RPS24: variants seen among roughly 807,000 people sequenced by gnomAD.
RPS24 encodes the protein ribosomal protein S24, also known as small ribosomal subunit protein eS24.
For missense variants in RPS24, 100 were observed against 162.5 expected (o/e 0.62, Z 2.09); for synonymous variants, 72 against 55.6 (o/e 1.30, Z -1.31).
chr10:78,044,882 A>C (rs1201970226), downstream of RPS24, among the ~76,000 whole-genome samples: 1 of 151,772 alleles, frequency 6.6e-6, no homozygotes, highest in Non-Finnish European at 1.5e-5. Flanking sequence ...TCACATGCCG[A>C]GTTCCTCCAC....
At position 78,035,691 on chromosome 10, in the gene RPS24, A is replaced by G. The variant is rs1165637417; in HGVS notation, c.250A>G (p.Lys84Glu). The G allele has an allele frequency of 1.2e-6, 2 of 1,601,848 alleles. No homozygotes were observed. Among genetic ancestry groups the G allele is most frequent in the Admixed American group, 3.3e-5 (2 of 59,996 alleles). The change falls in exon 3 of 6, where the codon AAA becomes GAA. Residue 84 changes from lysine (K) to glutamate (E), a missense_variant. Coordinates refer to ENST00000372360, the MANE Select transcript of RPS24 (RefSeq NM_033022.4). ...MIYDSLDYAK[K>E]NEPKHRLARH... The stretch of plus-strand genomic sequence containing the variant: ...TTATGATTCCCTGGATTATGCAAAG[A>G]AAAATGAACCCAAACATAGACTTGC...
exon 5 of RPS24, chr10:78,054,546 C>A (rs1185796902): frequency 1.3e-6 from 2 of 1,542,398 alleles, no homozygotes; most frequent in Non-Finnish European, 1.8e-6. Context: ...GGAATTGGGG[C>A]TTGGAGTGCA....
chr10:78,035,864 T>A, intron 3 of RPS24, 144 bp downstream of exon 3: 1 of 765,866 alleles, frequency 1.3e-6, no homozygotes, highest in Non-Finnish European at 2.3e-6. Context: ...TTTCATAAAA[T>A]GCACAGGTGG....
At chr10:78,042,849 A>G (rs539346630), downstream of RPS24, among the ~76,000 whole-genome samples, 1 of 152,324 alleles carries the variant, frequency 6.6e-6, no homozygotes, top group African/African-American at 2.4e-5. Flanking sequence ...GTAATCAGGC[A>G]GCTTTCAACT....
intron 4 of RPS24, chr10:78,038,025 C>T: frequency 1.6e-6 from 2 of 1,225,002 alleles, no homozygotes; most frequent in Non-Finnish European, 2.1e-6. Context: ...ATCACCTTCA[C>T]TGAGTTTGCT....
chr10:78,038,733 G>T (rs77011538), intron 4 of RPS24: 9,258 of 152,048 alleles, frequency 0.061, 424 homozygotes, highest in Non-Finnish European at 0.085. Flanking sequence ...TGTACCTCCC[G>T]GGCTTGGGTG....
chr10:78,055,811 G>A (rs911573546), exon 5 of RPS24: 2 of 152,242 alleles, frequency 1.3e-5, no homozygotes, highest in African/African-American at 4.8e-5. Context: ...GGAGTGCAGT[G>A]GTACCATCTT....
chr10:78,050,489 A>C lies in RPS24; in HGVS notation c.391-4042A>C, dbSNP rs555624867. Reference sequence around the variant, plus strand: ...CCAGACCTCAGCAAGTGGCCGCTTTAAAAAGAGAATAAGAGCTTTATTGAG... The same window carrying C: ...CCAGACCTCAGCAAGTGGCCGCTTTCAAAAGAGAATAAGAGCTTTATTGAG... On this transcript the variant is annotated intron_variant, in intron 4 of 4. Transcript: ENST00000440692. Among the ~76,000 whole-genome samples the C allele has an allele frequency of 2.0e-5, 3 of 152,326 alleles. No homozygotes were observed. In the South Asian group the frequency reaches 6.2e-4, roughly 32 times the overall value.
chr10:78,041,835 T>A (rs149684244), downstream of RPS24, among the ~76,000 whole-genome samples: 1 of 152,116 alleles, frequency 6.6e-6, no homozygotes, highest in Non-Finnish European at 1.5e-5. Flanking sequence ...TAGTTTCTGA[T>A]GTGAAGAAAA....
At chr10:78,043,003 A>T (rs1848002782), downstream of RPS24, among the ~76,000 whole-genome samples, 1 of 106,744 alleles carries the variant, frequency 9.4e-6, no homozygotes, top group Admixed American at 1.0e-4. Context: ...GCGCGCACAC[A>T]CATACACACA....
chr10:78,043,010 CACAT>C (rs1180309431), downstream of RPS24, among the ~76,000 whole-genome samples: 4 of 152,116 alleles, frequency 2.6e-5, no homozygotes, highest in South Asian at 8.3e-4. Context: ...CACACATACA[CACAT>C]ATTTTTTTTG....
At chr10:78,035,032 C>T (rs1200559210) in intron 1 of RPS24, among the ~76,000 whole-genome samples, 1 of 152,070 alleles carries the variant, frequency 6.6e-6, no homozygotes, top group Non-Finnish European at 1.5e-5. Context: ...CATACAGTCC[C>T]CACAACATAT....
chr10:78,052,628 G>A (rs1389705309), intron 4 of RPS24, among the ~76,000 whole-genome samples: 1 of 152,186 alleles, frequency 6.6e-6, no homozygotes, highest in East Asian at 1.9e-4. Flanking sequence ...CCCCTTCTAG[G>A]GGTTATGTTG....
rs184847343 is a variant in RPS24, at chr10:78,035,773, G to C, written c.279+53G>C. 191 of 1,441,440 alleles carry C rather than the reference G, an allele frequency of 1.3e-4. 1 individual carries two copies. In the African/African-American group the frequency reaches 2.3e-3, roughly 17 times the overall value. The allele number at this position is 1,441,440 out of a possible 1,614,324, so 89.3% of individuals were successfully genotyped here. On this transcript the variant is annotated intron_variant, in intron 3 of 5. Transcript: ENST00000372360. ...CTCCTGAAGACCTATTTTTTCAATAGCGTTGTGTTGTGAGTGTGGTAAAAA... is the reference window on the plus strand; with the variant it reads ...CTCCTGAAGACCTATTTTTTCAATACCGTTGTGTTGTGAGTGTGGTAAAAA...
At chr10:78,039,196 CCT>C (rs1364354587) in intron 4 of RPS24, 6 of 152,152 alleles carry the variant, frequency 3.9e-5, no homozygotes, top group African/African-American at 7.2e-5. Context: ...AGAACTACTC[CCT>C]GTTTGTGAGG....
downstream of RPS24, chr10:78,040,752 G>C: frequency 1.5e-6 from 2 of 1,309,014 alleles, no homozygotes; most frequent in Non-Finnish European, 2.2e-6. Flanking sequence ...TAGGAGGTTA[G>C]TCTGCTGATT....
chr10:78,051,578 A>C (rs1427119784), intron 4 of RPS24, among the ~76,000 whole-genome samples: 1 of 152,136 alleles, frequency 6.6e-6, no homozygotes, highest in Non-Finnish European at 1.5e-5. Context: ...GGATGTTTTC[A>C]CTTCTCTTGG....
At chr10:78,037,921 T>TTTTG in intron 4 of RPS24, 1 of 1,027,140 alleles carries the variant, frequency 9.7e-7, no homozygotes, top group African/African-American at 1.7e-5. Flanking sequence ...TTTTTTTTTT[T>TTTTG]TTTTGCTTTT....
In RPS24 at chr10:78,053,964, G is replaced by T. The variant is rs75761501; in HGVS notation, c.391-567G>T. On this transcript the variant is annotated intron_variant, in intron 4 of 4. Transcript: ENST00000440692. ...GCAGTATGGCTTCCTGGGGAAGGGGGATTTGAGCTGAGTTTGGAAAGAGTC... is the reference window on the plus strand; with the variant it reads ...GCAGTATGGCTTCCTGGGGAAGGGGTATTTGAGCTGAGTTTGGAAAGAGTC... Among the ~76,000 whole-genome samples the T allele has an allele frequency of 5.2e-3, 796 of 152,250 alleles. 8 individuals are homozygous for T. Among genetic ancestry groups the T allele is most frequent in the African/African-American group, 0.018 (760 of 41,542 alleles).
Sources: allele counts gnomAD v4.1 joint callset (sites outside exome capture counted in the v4.1 genomes callset), GRCh38; gene constraint gnomAD v4.1.1; transcripts MANE v1.5; gene names NCBI Gene and HGNC (gene_info 2026-07-23, HGNC 2026-07-21).